The following MCF2 variants were observed in gnomAD, a reference collection of about 807,000 sequenced individuals.
MCF2 encodes the protein proto-oncogene DBL.
MCF2 carries 44 observed loss-of-function variants against 82.5 expected under a neutral mutation model. That is an observed-to-expected ratio of 0.53 (90% confidence interval 0.42 to 0.69). MCF2 has a LOEUF of 0.69. Among genes scored for constraint, MCF2 ranks in the 30% least tolerant of loss-of-function variants. The probability of loss-of-function intolerance (pLI) is 0.00; values close to 1 mark genes in which losing one functional copy is unlikely to be tolerated. For missense variants in MCF2, 623 were observed against 663.1 expected (o/e 0.94, Z 0.66); for synonymous variants, 217 against 224.9 (o/e 0.96, Z 0.32).
At chrX:139,704,178 A>T (rs922695777) in intron 1 of MCF2, among the ~76,000 whole-genome samples, 1 of 112,102 alleles carries the variant, frequency 8.9e-6, no homozygotes, top group Non-Finnish European at 1.9e-5. Flanking sequence ...ATTCACCTTG[A>T]GAACCAGAAC....
chrX:139,590,043 T>A (rs1929360423), intron 19 of MCF2, 116 bp from the exon 24 acceptor site: 5 of 442,807 alleles, frequency 1.1e-5, no homozygotes, highest in Admixed American at 9.7e-5. Context: ...GAAAAATACA[T>A]GTTATATTAA....
At chrX:139,651,851 G>C (rs1934031017) in intron 1 of MCF2, 63 bp from the exon 2 acceptor site, 4 of 681,701 alleles carry the variant, frequency 5.9e-6, no homozygotes, top group Admixed American at 2.9e-5. Context: ...CATGATTTTA[G>C]ACACATGATT....
At chrX:139,586,344 A>T (rs773850148) in intron 23 of MCF2, 34 bp downstream of exon 27, 1 of 1,061,191 alleles carries the variant, frequency 9.4e-7, no homozygotes, top group Admixed American at 2.2e-5. Context: ...TTGCACACCC[A>T]TGAGTCTCGT....
At chrX:139,631,304 G>GTTTTGT (rs756026895) in intron 3 of MCF2, 91 bp downstream of exon 6, 2 of 496,903 alleles carry the variant, frequency 4.0e-6, no homozygotes, top group Admixed American at 3.8e-5. Context: ...GTTTTGTTTT[G>GTTTTGT]TTTTTTTCAA....
At chrX:139,644,527 C>T (rs760289370), upstream of MCF2, among the ~76,000 whole-genome samples, 9 of 112,285 alleles carry the variant, frequency 8.0e-5, no homozygotes, top group African/African-American at 2.9e-4. Context: ...GATTAAACAC[C>T]TCTGTTAAAT....
At chrX:139,636,067 T>A (rs1933198810) in intron 1 of MCF2, among the ~76,000 whole-genome samples, 1 of 111,576 alleles carries the variant, frequency 9.0e-6, no homozygotes, top group African/African-American at 3.3e-5. Context: ...CTGTAAAAAA[T>A]ATTAATAAGA....
chrX:139,691,212 T>A (rs1040196939), intron 1 of MCF2, among the ~76,000 whole-genome samples: 28 of 111,380 alleles, frequency 2.5e-4, no homozygotes, highest in African/African-American at 9.1e-4. Context: ...GATGAAAAGA[T>A]GCGCTTTTCT....
intron 1 of MCF2, among the ~76,000 whole-genome samples, chrX:139,699,140 T>C (rs758287652): frequency 4.5e-5 from 5 of 112,011 alleles, no homozygotes; most frequent in Non-Finnish European, 9.4e-5. Flanking sequence ...TGAATTATAA[T>C]TTTGCAGATC....
intron 1 of MCF2, among the ~76,000 whole-genome samples, chrX:139,699,269 T>C (rs1935439464): frequency 8.9e-6 from 1 of 112,220 alleles, no homozygotes; most frequent in Admixed American, 9.5e-5. Flanking sequence ...AATGAAGAGA[T>C]TCACCTCTTA....
At chrX:139,650,712 G>C (rs541490005) in intron 2 of MCF2, among the ~76,000 whole-genome samples, 1 of 112,119 alleles carries the variant, frequency 8.9e-6, no homozygotes, top group South Asian at 3.7e-4. Context: ...GTTTACCATA[G>C]TTACGTCTCT....
rs145515088 is a variant in MCF2 at position 139,690,338 on chromosome X, G to GTTTTT, written c.-45+17763_-45+17767dup. On this transcript the variant is annotated intron_variant, in intron 1 of 27. Transcript: ENST00000414978. ...ATTAAGCATGCATTCCTCCAAAGGA[G>GTTTTT]TTTTTTTTTTTTTTTTTTTTTTAGC... 2.0e-4 allele frequency among the ~76,000 whole-genome samples: 15 copies of GTTTTT among 75,714 alleles called. No individual in the cohort carries two copies. The East Asian group carries it at 2.4e-3, about 12-fold the overall frequency. 65.7% of individuals were successfully genotyped at this position (75,714 alleles called of 115,157 possible).
At chrX:139,584,643 C>T (rs1355390205) in intron 24 of MCF2, among the ~76,000 whole-genome samples, 2 of 111,784 alleles carry the variant, frequency 1.8e-5, no homozygotes, top group Non-Finnish European at 3.8e-5. Flanking sequence ...ATATATCCCC[C>T]AGATGTTATT....
intron 1 of MCF2, among the ~76,000 whole-genome samples, chrX:139,668,448 G>GT (rs1934588363): frequency 9.0e-6 from 1 of 111,183 alleles, no homozygotes; most frequent in South Asian, 3.8e-4. Context: ...TTTGTTTCAG[G>GT]CTTTGAGAAG....
chrX:139,613,309 A>T, intron 10 of MCF2, 46 bp from the exon 14 acceptor site: 1 of 982,975 alleles, frequency 1.0e-6, no homozygotes, highest in Non-Finnish European at 1.4e-6. Context: ...TATCAGAAAA[A>T]AATGAAACAA....
chrX:139,582,280 G>C, exon 25 of MCF2: 1 of 477,270 alleles, frequency 2.1e-6, no homozygotes, highest in Non-Finnish European at 3.7e-6. Context: ...ATTTTAAAAA[G>C]ACAGCGTACC....
At chrX:139,653,454 T>C (rs1934098256) in intron 1 of MCF2, among the ~76,000 whole-genome samples, 1 of 111,807 alleles carries the variant, frequency 8.9e-6, no homozygotes, top group South Asian at 3.8e-4. Context: ...CTGGAAGTAT[T>C]AATATGAACA....
chrX:139,640,248 T>A (rs183457666), intron 1 of MCF2, among the ~76,000 whole-genome samples: 2 of 112,271 alleles, frequency 1.8e-5, no homozygotes, highest in East Asian at 2.8e-4. Context: ...CATAATTTAC[T>A]GTCAGACAAA....
intron 19 of MCF2, among the ~76,000 whole-genome samples, chrX:139,593,955 T>A (rs1929786628): frequency 9.0e-6 from 1 of 111,004 alleles, no homozygotes; most frequent in Non-Finnish European, 1.9e-5. Context: ...AGCCAAATCA[T>A]GAATGAACTC....
intron 1 of MCF2, among the ~76,000 whole-genome samples, chrX:139,674,547 A>G (rs1466846938): frequency 3.6e-5 from 4 of 111,846 alleles, no homozygotes; most frequent in African/African-American, 9.8e-5. Flanking sequence ...GCATTTGCTT[A>G]TCTGTAAAGG....
Sources: allele counts gnomAD v4.1 joint callset (sites outside exome capture counted in the v4.1 genomes callset), GRCh38; gene constraint gnomAD v4.1.1; transcripts MANE v1.5; gene names NCBI Gene and HGNC (gene_info 2026-07-23, HGNC 2026-07-21).